ASB18: variants seen among roughly 807,000 people sequenced by gnomAD.
ASB18 encodes the protein ankyrin repeat and SOCS box protein 18.
Under a neutral mutation model 33.4 loss-of-function variants are expected in ASB18, and 33 were observed. The observed-to-expected ratio is 0.99, with a 90% CI of 0.75 to 1.32. The LOEUF (loss-of-function observed/expected upper bound fraction) is 1.32, where lower values mean the gene tolerates loss of function less well. Among genes scored for constraint, ASB18 ranks in the 40% most tolerant of loss-of-function variants. ASB18 has a pLI of 0.00. For synonymous variants in ASB18, 295 were observed against 307.6 expected, an observed-to-expected ratio of 0.96 and a Z score of 0.43; for missense variants, 694 against 655.5, an observed-to-expected ratio of 1.06 and a Z score of -0.64.
chr2:236,193,718 C>T lies in ASB18; in HGVS notation c.*1154G>A, dbSNP rs2060357946. Among the ~76,000 whole-genome samples, 2 of 152,190 alleles carry T rather than the reference C, an allele frequency of 1.3e-5. No individual in the cohort carries two copies. The highest frequency in any genetic ancestry group is 2.9e-5 in the Non-Finnish European group (2 of 68,036). On this transcript the variant is annotated 3_prime_UTR_variant, in exon 6 of 6. Transcript: ENST00000409749. The surrounding 1 kb of genome is among the most constrained non-coding windows in gnomAD (Gnocchi z 5.0). ...GGCTGAAGCAGGAGAATTGCTTGAA[C>T]CTGGGAGGCGGAGGTTGCGGTGAGC...
At position 236,262,889 on chromosome 2, in the gene ASB18, G is replaced by T. The variant is rs556385944; in HGVS notation, c.205+1252C>A. Among the ~76,000 whole-genome samples the T allele has an allele frequency of 1.3e-5, 2 of 152,154 alleles. No individual in the cohort carries two copies. Among genetic ancestry groups the T allele is most frequent in the South Asian group, 2.1e-4 (1 of 4,832 alleles). ...AGAAAGTAGACCCAAACCAAGGGGG[G>T]GGGGCGGACCCCCTCGGAAGTTCCA... On this transcript the variant is annotated intron_variant, in intron 1 of 5. Coordinates refer to ENST00000409749, the MANE Select transcript of ASB18 (RefSeq NM_212556.4). The surrounding 1 kb of genome is among the most constrained non-coding windows in gnomAD (Gnocchi z 5.2).
rs563430065 is a variant in ASB18 at position 236,263,036 on chromosome 2, C to T, written c.205+1105G>A. On this transcript the variant is annotated intron_variant, in intron 1 of 5. Coordinates refer to ENST00000409749, the MANE Select transcript of ASB18 (RefSeq NM_212556.4). The surrounding 1 kb of genome is among the most constrained non-coding windows in gnomAD (Gnocchi z 4.0). ...CGTGTGCATGTGATGCATGTACTTG[C>T]GTGTGCGTGTGTGCACCTATGTTGG... 7.9e-4 allele frequency among the ~76,000 whole-genome samples: 121 copies of T among 152,292 alleles called. No homozygotes were observed. The highest frequency in any genetic ancestry group is 1.4e-3 in the Non-Finnish European group (93 of 68,024).
rs1395964538 is a variant in ASB18 at position 236,223,302 on chromosome 2, G to A, written c.597-8436C>T. Among the ~76,000 whole-genome samples the A allele has an allele frequency of 6.6e-6, 1 of 152,166 alleles. No homozygotes were observed. Among genetic ancestry groups the A allele is most frequent in the African/African-American group, 2.4e-5 (1 of 41,416 alleles). On this transcript the variant is annotated intron_variant, in intron 3 of 5. Coordinates refer to ENST00000409749, the MANE Select transcript of ASB18 (RefSeq NM_212556.4). The surrounding 1 kb of genome is among the most constrained non-coding windows in gnomAD (Gnocchi z 4.6). ...ATTTGACTTTCTAGAAGCTTCATTG[G>A]TGTGCCTTCCTCAGTAAGGCATGCA... is the stretch of plus-strand genomic sequence containing the variant.
intron 3 of ASB18, among the ~76,000 whole-genome samples, chr2:236,233,857 A>T (rs1257946652): frequency 1.3e-5 from 2 of 152,228 alleles, no homozygotes; most frequent in Non-Finnish European, 2.9e-5. Context: ...TTTGGACAAC[A>T]TAACCCAGGA....
Position 236,237,987 on chromosome 2 carries a change from G to T in ASB18, c.329-31C>A, listed in dbSNP as rs765329123. The T allele has an allele frequency of 2.1e-6, 3 of 1,452,688 alleles. No individual in the cohort carries two copies. The African/African-American group carries it at 4.5e-5, about 22-fold the overall frequency. 90.0% of individuals were successfully genotyped at this position (1,452,688 alleles called of 1,614,324 possible). A position where few individuals can be genotyped will look rare whatever the true frequency, so the allele number is the denominator to read the frequency against. On this transcript the variant is annotated intron_variant, in intron 2 of 5. Coordinates refer to ENST00000409749, the MANE Select transcript of ASB18 (RefSeq NM_212556.4). This position sits in a 1 kb window ranked among gnomAD's most constrained non-coding sequence, Gnocchi z 6.2. ...GGGAGGGAGGTGGGATGTAAGGTCA[G>T]GGGGAGGTTAGTTGTGGTGGTGGTG...
Position 236,239,770 on chromosome 2 carries a change from CTT to C in ASB18, c.328+1508_328+1509del, listed in dbSNP as rs2060612891. Among the ~76,000 whole-genome samples, 1 of 152,228 alleles carries C rather than the reference CTT, an allele frequency of 6.6e-6. No homozygotes were observed. The highest frequency in any genetic ancestry group is 6.5e-5 in the Admixed American group (1 of 15,286). On this transcript the variant is annotated intron_variant, in intron 2 of 5. Transcript: ENST00000409749. The surrounding 1 kb of genome is among the most constrained non-coding windows in gnomAD (Gnocchi z 5.6). ...GAGCTGGAATTGGCCACCGGGAAGT[CTT>C]TTCATGGGAGAGCACATGGGGCCAC...
At position 236,214,818 on chromosome 2, in the gene ASB18, GC is replaced by G; in HGVS notation, c.644del (p.Gly215AlafsTer42). The G allele has an allele frequency of 8.2e-7, 1 of 1,212,972 alleles. No individual in the cohort carries two copies. The highest frequency in any genetic ancestry group is 1.0e-6 in the Non-Finnish European group (1 of 975,472). The allele number at this position is 1,212,972 out of a possible 1,614,324, so 75.1% of individuals were successfully genotyped here. On this transcript the variant is annotated frameshift_variant, in exon 4 of 6. Coordinates refer to ENST00000409749, the MANE Select transcript of ASB18 (RefSeq NM_212556.4). LOFTEE classifies it high-confidence loss of function. The surrounding 1 kb of genome is among the most constrained non-coding windows in gnomAD (Gnocchi z 6.5). ...GCAGCGGCGTGTCCCGGCCCGTGCC[GC>G]CCACGCGCTGCACCGAGGCCCCGTG... ...LEHGASVQRVGGTGRDTPLHV... is the reference protein window; with the variant it reads ...LEHGASVQRVXGTGRDTPLHV...
At position 236,264,351 on chromosome 2, in the gene ASB18, C is replaced by G. The variant is rs747462961; in HGVS notation, c.-6G>C. The G allele has an allele frequency of 2.5e-6, 4 of 1,613,066 alleles. No homozygotes were observed. The Admixed American group carries it at 6.7e-5, about 27-fold the overall frequency. On this transcript the variant is annotated 5_prime_UTR_variant, in exon 1 of 6. Coordinates refer to ENST00000409749, the MANE Select transcript of ASB18 (RefSeq NM_212556.4). This position sits in a 1 kb window ranked among gnomAD's most constrained non-coding sequence, Gnocchi z 5.1. The stretch of plus-strand genomic sequence containing the variant: ...AGGTAATCCGAGTTGGACATTGTTA[C>G]GTCGTTTCTGCAGTGACCAGCCCTT...
chr2:236,210,736 A>G (rs1219857541), intron 4 of ASB18, among the ~76,000 whole-genome samples: 1 of 152,200 alleles, frequency 6.6e-6, no homozygotes, highest in Non-Finnish European at 1.5e-5. Flanking sequence ...GGTGACATCC[A>G]GGGACAAATA....
rs938681247 is a variant in ASB18, at chr2:236,251,559, C to T, written c.206-10157G>A. ...TGATCCTTTATATCCCTTCTAGAAA[C>T]GAGAAGTTTACCTATCCTGAAGTTG... On this transcript the variant is annotated intron_variant, in intron 1 of 5. Transcript: ENST00000409749. The surrounding 1 kb of genome is among the most constrained non-coding windows in gnomAD (Gnocchi z 5.3). Among the ~76,000 whole-genome samples, 3 of 152,094 alleles carry T rather than the reference C, an allele frequency of 2.0e-5. No individual in the cohort carries two copies. The highest frequency in any genetic ancestry group is 6.5e-5 in the Admixed American group (1 of 15,272).
Position 236,203,248 on chromosome 2 carries a change from A to C in ASB18, c.1102-6863T>G, listed in dbSNP as rs2060414476. ...GCTGTGGTCATATGAGGGGGAGTTCAGGGGAAGATTTCTGGAAGAAGTGAC... is the reference window on the plus strand; with the variant it reads ...GCTGTGGTCATATGAGGGGGAGTTCCGGGGAAGATTTCTGGAAGAAGTGAC... On this transcript the variant is annotated intron_variant, in intron 4 of 5. Coordinates refer to ENST00000409749, the MANE Select transcript of ASB18 (RefSeq NM_212556.4). The surrounding 1 kb of genome is among the most constrained non-coding windows in gnomAD (Gnocchi z 6.0). 6.6e-6 allele frequency among the ~76,000 whole-genome samples: 1 copy of C among 152,162 alleles called. No individual in the cohort carries two copies. The highest frequency in any genetic ancestry group is 2.1e-4 in the South Asian group (1 of 4,822).
At chr2:236,261,263 C>T (rs546649515) in intron 1 of ASB18, among the ~76,000 whole-genome samples, 2 of 152,290 alleles carry the variant, frequency 1.3e-5, no homozygotes, top group East Asian at 3.9e-4. Context: ...ACCTGGGTCC[C>T]TTTCCTCTCA....
rs146500456 is a variant in ASB18, at chr2:236,221,376, C to T, written c.597-6510G>A. Among the ~76,000 whole-genome samples, 238 of 152,114 alleles carry T rather than the reference C, an allele frequency of 1.6e-3. 1 individual carries two copies. Among genetic ancestry groups the T allele is most frequent in the African/African-American group, 5.4e-3 (223 of 41,490 alleles). ...ACATCTCATATGGTTTGGTTGTGTC[C>T]CCACCCAAATCTCACCTTGAGTTTT... is the stretch of plus-strand genomic sequence containing the variant. On this transcript the variant is annotated intron_variant, in intron 3 of 5. Coordinates refer to ENST00000409749, the MANE Select transcript of ASB18 (RefSeq NM_212556.4). This position sits in a 1 kb window ranked among gnomAD's most constrained non-coding sequence, Gnocchi z 5.6.
rs568040924 is a variant in ASB18 at position 236,200,631 on chromosome 2, C to T, written c.1102-4246G>A. 1.3e-4 allele frequency among the ~76,000 whole-genome samples: 20 copies of T among 152,252 alleles called. 1 individual carries two copies. Among genetic ancestry groups the T allele is most frequent in the South Asian group, 8.3e-4 (4 of 4,822 alleles). On this transcript the variant is annotated intron_variant, in intron 4 of 5. Transcript: ENST00000409749. The surrounding 1 kb of genome is among the most constrained non-coding windows in gnomAD (Gnocchi z 4.2). ...ACTCTCCTTTCCTCCCTCCTGCTGC[C>T]GGGACACCCCACTGGCTATACCCAG...
chr2:236,237,825 C>G lies in ASB18; in HGVS notation c.460G>C (p.Gly154Arg). The change falls in exon 3 of 6, where the codon GGC becomes CGC. Residue 154 changes from glycine to arginine, a missense_variant. Physicochemically the swap from Gly to Arg is moderately radical, Grantham distance 125. Transcript: ENST00000409749. This position sits in a 1 kb window ranked among gnomAD's most constrained non-coding sequence, Gnocchi z 6.2. ...ADPDASPGGR[G>R]ALHEACLGGH... Reference sequence around the variant, plus strand: ...CCGAGGCAGGCCTCGTGCAGGGCGCCGCGGCCGCCGGGGCTGGCGTCTGGG... The same window carrying G: ...CCGAGGCAGGCCTCGTGCAGGGCGCGGCGGCCGCCGGGGCTGGCGTCTGGG... 1 of 1,373,276 alleles carries G rather than the reference C, an allele frequency of 7.3e-7. No homozygotes were observed. Among genetic ancestry groups the G allele is most frequent in the Non-Finnish European group, 9.3e-7 (1 of 1,074,456 alleles). The allele number at this position is 1,373,276 out of a possible 1,614,324, so 85.1% of individuals were successfully genotyped here. A position where few individuals can be genotyped will look rare whatever the true frequency, so the allele number is the denominator to read the frequency against.
intron 4 of ASB18, among the ~76,000 whole-genome samples, chr2:236,212,853 C>T (rs2060465530): frequency 6.6e-6 from 1 of 152,094 alleles, no homozygotes; most frequent in African/African-American, 2.4e-5. Context: ...TGGTCTTAAA[C>T]TCCTGGACTC....
rs1559329279 is a variant in ASB18 at position 236,211,791 on chromosome 2, A to G, written c.1101+2571T>C. On this transcript the variant is annotated intron_variant, in intron 4 of 5. Coordinates refer to ENST00000409749, the MANE Select transcript of ASB18 (RefSeq NM_212556.4). This position sits in a 1 kb window ranked among gnomAD's most constrained non-coding sequence, Gnocchi z 5.0. ...TGTGGGGACCAAGCTAGAACATTAC[A>G]GGCACTGCTGCCTTTGCTTGTGGGA... Among the ~76,000 whole-genome samples, 1 of 152,194 alleles carries G rather than the reference A, an allele frequency of 6.6e-6. No individual in the cohort carries two copies. The highest frequency in any genetic ancestry group is 1.9e-4 in the East Asian group (1 of 5,176).
In ASB18 at chr2:236,208,289, T is replaced by C. The variant is rs2060443497; in HGVS notation, c.1101+6073A>G. On this transcript the variant is annotated intron_variant, in intron 4 of 5. Coordinates refer to ENST00000409749, the MANE Select transcript of ASB18 (RefSeq NM_212556.4). The surrounding 1 kb of genome is among the most constrained non-coding windows in gnomAD (Gnocchi z 7.7). ...CCTCTCTGCGCCCCACACATGTTGA[T>C]ATTTCTGGCTCACACGAGCCCCACT... is the stretch of plus-strand genomic sequence containing the variant. Among the ~76,000 whole-genome samples, 3 of 152,138 alleles carry C rather than the reference T, an allele frequency of 2.0e-5. No individual in the cohort carries two copies. The highest frequency in any genetic ancestry group is 6.5e-5 in the Admixed American group (1 of 15,278).
rs562929398 is a variant in ASB18, at chr2:236,203,135, C to T, written c.1102-6750G>A. Among the ~76,000 whole-genome samples, 4 of 152,214 alleles carry T rather than the reference C, an allele frequency of 2.6e-5. No homozygotes were observed. The East Asian group carries it at 7.7e-4, about 29-fold the overall frequency. ...TATTTGCCGAGCTCCTACTAGAAAG[C>T]AGGGATTGTGTTATGTCTGCATGTT... On this transcript the variant is annotated intron_variant, in intron 4 of 5. Transcript: ENST00000409749. The surrounding 1 kb of genome is among the most constrained non-coding windows in gnomAD (Gnocchi z 6.0).
Sources: gnomAD v4.1 joint callset for allele counts (sites outside exome capture counted in the v4.1 genomes callset) on GRCh38, gnomAD v4.1.1 for gene constraint, Gnocchi (gnomAD v3.1) non-coding constraint, MANE v1.5 for transcripts, NCBI Gene and HGNC (gene_info 2026-07-23, HGNC 2026-07-21) for gene names.